The following LPIN1 variants were observed in gnomAD, a reference collection of about 807,000 sequenced individuals.
LPIN1 encodes lipin 1, also known as phosphatidate phosphatase LPIN1.
In LPIN1, 71 loss-of-function variants were observed where a neutral mutation model predicts 107.5. That is an observed-to-expected ratio of 0.66 (90% CI 0.55 to 0.80). The LOEUF (loss-of-function observed/expected upper bound fraction) is 0.80, where lower values mean the gene tolerates loss of function less well. Among genes scored for constraint, LPIN1 ranks in the 30% least tolerant of loss-of-function variants. LPIN1 has a pLI of 0.00. For missense variants in LPIN1, 1,043 were observed against 1,160.6 expected (o/e 0.90, Z 1.47); for synonymous variants, 445 against 452.6 (o/e 0.98, Z 0.21).
chr2:11,814,176 A>G (rs1680168073), intron 17 of LPIN1, among the ~76,000 whole-genome samples: 4 of 151,998 alleles, frequency 2.6e-5, no homozygotes, highest in Admixed American at 2.6e-4. Context: ...GAGGAGGAGA[A>G]CACCCGGACA....
At chr2:11,772,924 A>G (rs1183215847) in intron 4 of LPIN1, among the ~76,000 whole-genome samples, 4 of 89,342 alleles carry the variant, frequency 4.5e-5, no homozygotes, top group African/African-American at 1.0e-4. Flanking sequence ...GCTTTTCCCA[A>G]CTACAGCCTC....
At chr2:11,755,360 C>A (rs115589926) in intron 1 of LPIN1, among the ~76,000 whole-genome samples, 3 of 152,184 alleles carry the variant, frequency 2.0e-5, no homozygotes, top group Non-Finnish European at 4.4e-5. Flanking sequence ...TGCTGTTTTA[C>A]ACTCTGGAAT....
At chr2:11,757,813 A>C (rs56073766) in intron 1 of LPIN1, among the ~76,000 whole-genome samples, 2 of 152,034 alleles carry the variant, frequency 1.3e-5, no homozygotes, top group Non-Finnish European at 2.9e-5. Flanking sequence ...AAAAAAAAAA[A>C]GTTAATTGTG....
At chr2:11,692,654 C>T (rs58273936) in intron 1 of LPIN1, among the ~76,000 whole-genome samples, 19,099 of 152,144 alleles carry the variant, frequency 0.13, 3,512 homozygotes, top group African/African-American at 0.41. Flanking sequence ...CCCCCACCTG[C>T]TGTCTCCTCT....
At chr2:11,715,040 A>C (rs1178989938) in intron 2 of LPIN1, among the ~76,000 whole-genome samples, 1 of 152,226 alleles carries the variant, frequency 6.6e-6, no homozygotes, top group Non-Finnish European at 1.5e-5. Context: ...GGCCAAATGG[A>C]GGCCAGGAAT....
chr2:11,713,769 G>A (rs1459957695), exon 2 of LPIN1: 2 of 1,515,428 alleles, frequency 1.3e-6, no homozygotes, highest in African/African-American at 1.4e-5. Context: ...CCAATAATGA[G>A]AGACCCTGGG....
At chr2:11,738,385 T>TAA (rs559141592) in intron 1 of LPIN1, among the ~76,000 whole-genome samples, 1 of 134,326 alleles carries the variant, frequency 7.4e-6, no homozygotes. Flanking sequence ...AAGGTATAAT[T>TAA]AAAAAAAAAA....
intron 17 of LPIN1, among the ~76,000 whole-genome samples, chr2:11,806,920 T>C (rs1334242732): frequency 1.3e-5 from 2 of 152,212 alleles, no homozygotes; most frequent in Non-Finnish European, 2.9e-5. Context: ...ATCTTTTTTG[T>C]TTCATTTTAT....
At chr2:11,769,951 G>C (rs139056418) in intron 3 of LPIN1, among the ~76,000 whole-genome samples, 3 of 152,344 alleles carry the variant, frequency 2.0e-5, no homozygotes, top group African/African-American at 7.2e-5. Context: ...TGCCCGCCCA[G>C]AATGGTGGTG....
At chr2:11,678,741 A>G (rs1279542763) in intron 1 of LPIN1, among the ~76,000 whole-genome samples, 1 of 152,164 alleles carries the variant, frequency 6.6e-6, no homozygotes, top group Non-Finnish European at 1.5e-5. Context: ...TCTAGGGAGA[A>G]AGGAGGCGTG....
chr2:11,708,620 C>G (rs1456475550), intron 1 of LPIN1, among the ~76,000 whole-genome samples: 1 of 152,252 alleles, frequency 6.6e-6, no homozygotes, highest in Non-Finnish European at 1.5e-5. Flanking sequence ...CTCAATGGAG[C>G]AGGAGGCACA....
At chr2:11,812,241 AT>A (rs1377238344) in intron 17 of LPIN1, among the ~76,000 whole-genome samples, 1 of 151,934 alleles carries the variant, frequency 6.6e-6, no homozygotes, top group Non-Finnish European at 1.5e-5. Flanking sequence ...TGTCTGCTAC[AT>A]GCCAAGCACT....
chr2:11,792,427 G>A (rs548257135), intron 13 of LPIN1: 62 of 237,038 alleles, frequency 2.6e-4, no homozygotes, highest in Admixed American at 2.0e-3. Context: ...CAGTCACCCA[G>A]GCTGGAGTGC....
At chr2:11,796,145 T>C (rs1200715926) in intron 14 of LPIN1, among the ~76,000 whole-genome samples, 1 of 152,254 alleles carries the variant, frequency 6.6e-6, no homozygotes, top group Non-Finnish European at 1.5e-5. Context: ...GTTTACAGTA[T>C]TCCTGTGCTT....
At chr2:11,757,648 G>A (rs186995268) in intron 1 of LPIN1, among the ~76,000 whole-genome samples, 12 of 152,030 alleles carry the variant, frequency 7.9e-5, no homozygotes, top group African/African-American at 2.9e-4. Flanking sequence ...GGCCCACCCC[G>A]GTCCCTTAAA....
chr2:11,713,301 C>T (rs1663524302), intron 1 of LPIN1, among the ~76,000 whole-genome samples: 1 of 152,204 alleles, frequency 6.6e-6, no homozygotes, highest in Non-Finnish European at 1.5e-5. Context: ...GATGGATTTT[C>T]ACTCTTTTGC....
intron 1 of LPIN1, among the ~76,000 whole-genome samples, chr2:11,704,105 C>A (rs1663015105): frequency 6.6e-6 from 1 of 152,220 alleles, no homozygotes; most frequent in Admixed American, 6.5e-5. Context: ...TGGCATCCCC[C>A]AGAATGGGGA....
intron 17 of LPIN1, among the ~76,000 whole-genome samples, chr2:11,813,487 G>A (rs1035720590): frequency 3.3e-5 from 5 of 152,044 alleles, no homozygotes; most frequent in South Asian, 2.1e-4. Context: ...CACAGCGGCC[G>A]GGCAGAGGTG....
At chr2:11,758,715 C>T (rs1669051057) in intron 1 of LPIN1, among the ~76,000 whole-genome samples, 1 of 152,230 alleles carries the variant, frequency 6.6e-6, no homozygotes, top group South Asian at 2.1e-4. Flanking sequence ...CTAATCTAAG[C>T]TAAAGCCACA....
Sources: gnomAD v4.1 joint callset for allele counts (sites outside exome capture counted in the v4.1 genomes callset) on GRCh38, gnomAD v4.1.1 for gene constraint, MANE v1.5 for transcripts, NCBI Gene and HGNC (gene_info 2026-07-23, HGNC 2026-07-21) for gene names.